The following SORCS1 variants were observed in gnomAD, a reference collection of about 807,000 sequenced individuals.
SORCS1 encodes the protein sortilin related VPS10 domain containing receptor 1.
A neutral mutation model predicts 146.1 loss-of-function variants in SORCS1; 60 were observed. The ratio of observed to expected loss-of-function variants is 0.41; its 90% CI spans 0.33 to 0.51. The LOEUF (loss-of-function observed/expected upper bound fraction) is 0.51. Ranked by LOEUF, SORCS1 falls within the 20% of genes least tolerant of loss-of-function variation. The pLI is 0.21. For synonymous variants in SORCS1, 637 were observed against 584.0 expected (o/e 1.09, Z -1.31); for missense variants, 1,352 against 1,487.6 (o/e 0.91, Z 1.50).
intron 22 of SORCS1, among the ~76,000 whole-genome samples, chr10:106,611,401 TA>T (rs201156298): frequency 6.6e-6 from 1 of 152,132 alleles, no homozygotes; most frequent in African/African-American, 2.4e-5. Context: ...GAAATTTCTT[TA>T]AAAAAATGAG....
intron 1 of SORCS1, among the ~76,000 whole-genome samples, chr10:107,096,294 T>A (rs1387892343): frequency 6.6e-6 from 1 of 152,152 alleles, no homozygotes; most frequent in East Asian, 1.9e-4. Flanking sequence ...TTTTAAAAGG[T>A]AAAAGGGACT....
In SORCS1 at chr10:106,577,209, G is replaced by T; in HGVS notation, c.*211C>A. The T allele has an allele frequency of 6.4e-7, 1 of 1,553,754 alleles. No individual in the cohort carries two copies. ...TTGTTTTTGTTTTTGTTTTTTTACT[G>T]GCGTCCTCCATTCAAACATTTACAT... On this transcript the variant is annotated 3_prime_UTR_variant, in exon 26 of 26. Coordinates refer to ENST00000263054, the MANE Select transcript of SORCS1 (RefSeq NM_052918.5).
At chr10:106,665,788 G>C (rs564729631) in intron 17 of SORCS1, among the ~76,000 whole-genome samples, 1 of 151,970 alleles carries the variant, frequency 6.6e-6, no homozygotes, top group Non-Finnish European at 1.5e-5. Context: ...ACTTGACTGC[G>C]CCATAGTATG....
intron 2 of SORCS1, among the ~76,000 whole-genome samples, chr10:106,857,903 A>C (rs902122159): frequency 6.6e-6 from 1 of 152,218 alleles, no homozygotes; most frequent in Non-Finnish European, 1.5e-5. Context: ...GTGGAGCTGA[A>C]GGAAATTGTC....
chr10:107,084,096 T>G (rs6584793), intron 1 of SORCS1, among the ~76,000 whole-genome samples: 12,660 of 62,938 alleles, frequency 0.2, 1,704 homozygotes, highest in African/African-American at 0.47. Flanking sequence ...TTTTTTGTTT[T>G]TTTTTTTTTT....
chr10:106,700,755 A>C (rs940831908), intron 8 of SORCS1, among the ~76,000 whole-genome samples: 3 of 152,122 alleles, frequency 2.0e-5, no homozygotes, highest in Admixed American at 6.6e-5. Context: ...TATCACAGTA[A>C]ACTCGTGATC....
chr10:106,644,267 T>G (rs1170169370), intron 18 of SORCS1, among the ~76,000 whole-genome samples: 1 of 152,086 alleles, frequency 6.6e-6, no homozygotes, highest in Non-Finnish European at 1.5e-5. Flanking sequence ...GCTGCCCAGA[T>G]GAACCAACTG....
intron 1 of SORCS1, among the ~76,000 whole-genome samples, chr10:107,090,557 T>C (rs1375312878): frequency 6.6e-6 from 1 of 152,188 alleles, no homozygotes; most frequent in East Asian, 1.9e-4. Context: ...TTTTTGGAGA[T>C]ATTAAATGAC....
intron 2 of SORCS1, among the ~76,000 whole-genome samples, chr10:106,894,526 C>T (rs1240783836): frequency 2.6e-5 from 4 of 151,968 alleles, no homozygotes; most frequent in African/African-American, 9.7e-5. Context: ...CAAAAATAAA[C>T]CCCAAGGCTG....
At chr10:106,775,777 G>C (rs531365601) in intron 4 of SORCS1, among the ~76,000 whole-genome samples, 1 of 152,270 alleles carries the variant, frequency 6.6e-6, no homozygotes, top group South Asian at 2.1e-4. Flanking sequence ...CTGTGTAAAT[G>C]CTGTTTCTTT....
rs200968789 is a variant in SORCS1 at position 106,579,077 on chromosome 10, T to C, written c.3371+292A>G. Reference sequence around the variant, plus strand: ...ACTCAGCCGAACAGCTGGTGGCTACTGGGAATCATTTACCTATGAGCTGGG... The same window carrying C: ...ACTCAGCCGAACAGCTGGTGGCTACCGGGAATCATTTACCTATGAGCTGGG... On this transcript the variant is annotated intron_variant, in intron 25 of 25. Coordinates refer to ENST00000263054, the MANE Select transcript of SORCS1 (RefSeq NM_052918.5). 9.3e-6 allele frequency: 15 copies of C among 1,613,294 alleles called. No individual in the cohort carries two copies. In the East Asian group the frequency reaches 2.9e-4, roughly 31 times the overall value.
chr10:106,723,687 T>G (rs1039079277), intron 6 of SORCS1, among the ~76,000 whole-genome samples: 1 of 152,200 alleles, frequency 6.6e-6, no homozygotes, highest in Non-Finnish European at 1.5e-5. Context: ...GAAACATCAG[T>G]GCCAACCATA....
At chr10:106,864,966 G>T (rs1950174392) in intron 2 of SORCS1, among the ~76,000 whole-genome samples, 2 of 151,940 alleles carry the variant, frequency 1.3e-5, no homozygotes, top group African/African-American at 2.4e-5. Flanking sequence ...GTGTTCACTG[G>T]CCAACAGAGG....
At chr10:107,120,807 A>C (rs946569479) in intron 1 of SORCS1, among the ~76,000 whole-genome samples, 2 of 152,146 alleles carry the variant, frequency 1.3e-5, no homozygotes, top group African/African-American at 4.8e-5. Context: ...TTTAATTCCC[A>C]TACTACATCC....
the SORCS1 span, among the ~76,000 whole-genome samples, chr10:107,174,947 A>G: frequency 6.6e-6 from 1 of 152,104 alleles, no homozygotes; most frequent in African/African-American, 2.4e-5. Flanking sequence ...TTAATTTTTT[A>G]AATTCCTAAT....
intron 2 of SORCS1, among the ~76,000 whole-genome samples, chr10:106,951,531 C>T (rs796348754): frequency 3.4e-5 from 4 of 117,948 alleles, no homozygotes; most frequent in East Asian, 2.2e-4. Context: ...AAAAAAAAAA[C>T]GGAACACCTG....
intron 4 of SORCS1, among the ~76,000 whole-genome samples, chr10:106,775,383 T>C (rs1023091265): frequency 2.0e-5 from 3 of 152,090 alleles, no homozygotes; most frequent in African/African-American, 4.8e-5. Flanking sequence ...AAAAAATGAA[T>C]TGTAAATTCT....
intron 4 of SORCS1, among the ~76,000 whole-genome samples, chr10:106,762,594 T>C (rs2136263167): frequency 6.6e-6 from 1 of 151,846 alleles, no homozygotes; most frequent in Non-Finnish European, 1.5e-5. Context: ...AGATGGGGTT[T>C]CACCATGTTA....
rs528944290 is a variant in SORCS1 at position 106,684,056 on chromosome 10, C to T, written c.1560+4136G>A. Among the ~76,000 whole-genome samples the T allele has an allele frequency of 2.6e-5, 4 of 152,290 alleles. No homozygotes were observed. The South Asian group carries it at 8.3e-4, about 32-fold the overall frequency. On this transcript the variant is annotated intron_variant, in intron 10 of 25. Coordinates refer to ENST00000263054, the MANE Select transcript of SORCS1 (RefSeq NM_052918.5). ...CTCCAGTAGCAAACTGCCAGATAGG[C>T]CGGGCACGGTGGCTCATGCCTGTAA...
Sources: gnomAD v4.1 joint callset for allele counts (sites outside exome capture counted in the v4.1 genomes callset) on GRCh38, gnomAD v4.1.1 for gene constraint, MANE v1.5 for transcripts, NCBI Gene and HGNC (gene_info 2026-07-23, HGNC 2026-07-21) for gene names.